CDH4: variants seen among roughly 807,000 people sequenced by gnomAD.
CDH4 encodes cadherin 4.
CDH4 carries 33 observed loss-of-function variants against 86.0 expected under a neutral mutation model. That is an observed-to-expected ratio of 0.38 (90% confidence interval 0.29 to 0.51). The LOEUF is 0.51. Among genes scored for constraint, CDH4 ranks in the 20% least tolerant of loss-of-function variants. CDH4 has a pLI of 0.86. For missense variants in CDH4, 1,114 were observed against 1,307.4 expected, an observed-to-expected ratio of 0.85 and a Z score of 2.28; for synonymous variants, 555 against 549.4, an observed-to-expected ratio of 1.01 and a Z score of -0.14.
At chr20:61,615,411 C>T (rs536733318) in intron 2 of CDH4, among the ~76,000 whole-genome samples, 136 of 152,314 alleles carry the variant, frequency 8.9e-4, no homozygotes, top group Non-Finnish European at 1.6e-3. Flanking sequence ...CATGAGCCCC[C>T]GTGCCTGGCC....
At chr20:61,495,078 G>C (rs968652099) in intron 2 of CDH4, among the ~76,000 whole-genome samples, 2 of 152,254 alleles carry the variant, frequency 1.3e-5, no homozygotes, top group Admixed American at 6.5e-5. Context: ...GGAGAACAAG[G>C]GCAGGGCCCC....
chr20:61,698,100 G>A (rs531975834), intron 2 of CDH4, among the ~76,000 whole-genome samples: 4 of 152,316 alleles, frequency 2.6e-5, no homozygotes, highest in South Asian at 4.1e-4. Flanking sequence ...GCCATTAGCC[G>A]CACGTTGCTG....
intron 2 of CDH4, among the ~76,000 whole-genome samples, chr20:61,505,877 C>T (rs2085737605): frequency 1.3e-5 from 2 of 152,080 alleles, no homozygotes; most frequent in South Asian, 4.2e-4. Context: ...GCAGTGTTTC[C>T]ATTCTTCCCA....
At position 61,918,298 on chromosome 20, in the gene CDH4, C is replaced by A. The variant is rs574174436; in HGVS notation, c.1375-5153C>A. Among the ~76,000 whole-genome samples the A allele has an allele frequency of 7.2e-5, 11 of 152,340 alleles. No individual in the cohort carries two copies. The South Asian group carries it at 2.3e-3, about 32-fold the overall frequency. On this transcript the variant is annotated intron_variant, in intron 9 of 15. Transcript: ENST00000614565. ...CCTTCAGGCTTGCAGTCAGCTTGGG[C>A]TGTGGAAGGTTCTGCAGGGTGACAG...
chr20:61,689,076 C>T lies in CDH4; in HGVS notation c.170-54487C>T, dbSNP rs923056034. On this transcript the variant is annotated intron_variant, in intron 2 of 15. Transcript: ENST00000614565. ...TCCACTTTGGATGAATTTCTCCTAT[C>T]TGTGGGTAGCTGTGACTGACTCACA... Among the ~76,000 whole-genome samples the T allele has an allele frequency of 3.3e-5, 5 of 152,270 alleles. No individual in the cohort carries two copies. The East Asian group carries it at 9.6e-4, about 29-fold the overall frequency.
At chr20:61,857,632 G>A (rs758227082) in intron 6 of CDH4, among the ~76,000 whole-genome samples, 20 of 152,282 alleles carry the variant, frequency 1.3e-4, no homozygotes, top group Non-Finnish European at 2.4e-4. Flanking sequence ...CGTCTGCTGC[G>A]TTGGGCTTCC....
At chr20:61,321,790 T>C (rs935116900) in intron 2 of CDH4, among the ~76,000 whole-genome samples, 5 of 152,212 alleles carry the variant, frequency 3.3e-5, no homozygotes, top group African/African-American at 1.2e-4. Flanking sequence ...GTTTCCATGA[T>C]GTTAACAGGT....
intron 4 of CDH4, among the ~76,000 whole-genome samples, chr20:61,795,134 A>AATGGTGATGGTGATGATGATGGTAGTG (rs1555839681): frequency 1.0e-4 from 1 of 10,030 alleles, no homozygotes; most frequent in Non-Finnish European, 1.7e-4. Context: ...TGATGATGGA[A>AATGGTGATGGTGATGATGATGGTAGTG]ATGATGGTAG....
chr20:61,678,402 T>C (rs1454484112), intron 2 of CDH4, among the ~76,000 whole-genome samples: 2 of 152,176 alleles, frequency 1.3e-5, no homozygotes, highest in Non-Finnish European at 2.9e-5. Flanking sequence ...AGATGGTAAC[T>C]GGGTAATTGG....
chr20:61,458,609 G>A (rs1363236974), intron 2 of CDH4, among the ~76,000 whole-genome samples: 3 of 152,084 alleles, frequency 2.0e-5, no homozygotes, highest in Admixed American at 2.0e-4. Flanking sequence ...AATGGTAATG[G>A]TAATGACTGG....
chr20:61,660,590 G>A (rs139374410), intron 2 of CDH4, among the ~76,000 whole-genome samples: 2,832 of 152,272 alleles, frequency 0.019, 90 homozygotes, highest in African/African-American at 0.064. Flanking sequence ...CAGCTCAGGA[G>A]GCAGAGGGGT....
At chr20:61,713,564 G>A (rs1230978081) in intron 2 of CDH4, among the ~76,000 whole-genome samples, 2 of 152,238 alleles carry the variant, frequency 1.3e-5, no homozygotes, top group African/African-American at 4.8e-5. Context: ...TTATGTAGCA[G>A]CACAGTTAAC....
intron 2 of CDH4, among the ~76,000 whole-genome samples, chr20:61,365,396 G>A (rs73917712): frequency 0.026 from 3,944 of 152,276 alleles, 163 homozygotes; most frequent in African/African-American, 0.089. Context: ...CATCACGGGA[G>A]GGACGGGGTG....
At chr20:61,634,796 A>G (rs1013366307) in intron 2 of CDH4, among the ~76,000 whole-genome samples, 3 of 152,156 alleles carry the variant, frequency 2.0e-5, no homozygotes, top group Admixed American at 6.5e-5. Context: ...TGTCCCCATT[A>G]AACACAAACT....
intron 4 of CDH4, among the ~76,000 whole-genome samples, chr20:61,823,932 G>A (rs183697070): frequency 1.8e-3 from 281 of 152,334 alleles, no homozygotes; most frequent in African/African-American, 6.5e-3. Flanking sequence ...TAAAAGGCAT[G>A]TTTTATTGAG....
At chr20:61,867,525 G>T (rs1983600665) in intron 6 of CDH4, among the ~76,000 whole-genome samples, 1 of 148,942 alleles carries the variant, frequency 6.7e-6, no homozygotes, top group Non-Finnish European at 1.5e-5. Context: ...CCTCCTGCCT[G>T]GGCGACAGAG....
intron 2 of CDH4, among the ~76,000 whole-genome samples, chr20:61,267,933 G>A (rs964088207): frequency 3.3e-5 from 5 of 152,206 alleles, no homozygotes; most frequent in Non-Finnish European, 5.9e-5. Context: ...CTGAGGGTTC[G>A]CACACAGCTC....
At chr20:61,769,189 C>T (rs1270145494) in intron 3 of CDH4, among the ~76,000 whole-genome samples, 1 of 152,224 alleles carries the variant, frequency 6.6e-6, no homozygotes, top group Non-Finnish European at 1.5e-5. Context: ...AGGTGGATCC[C>T]CAATTGCCTG....
At chr20:61,593,191 G>A (rs2086530561) in intron 2 of CDH4, among the ~76,000 whole-genome samples, 1 of 152,236 alleles carries the variant, frequency 6.6e-6, no homozygotes, top group South Asian at 2.1e-4. Flanking sequence ...TGTTACAGCA[G>A]CAAAAGTAAA....
Sources: allele counts gnomAD v4.1 joint callset (sites outside exome capture counted in the v4.1 genomes callset), GRCh38; gene constraint gnomAD v4.1.1; transcripts MANE v1.5; gene names NCBI Gene and HGNC (gene_info 2026-07-23, HGNC 2026-07-21).